RERE: variants seen among roughly 807,000 people sequenced by gnomAD.
RERE encodes arginine-glutamic acid dipeptide repeats protein.
In RERE, 40 loss-of-function variants were observed where a neutral mutation model predicts 146.1. The observed-to-expected ratio is 0.27, with a 90% confidence interval of 0.21 to 0.36. The LOEUF is 0.36. Ranked by LOEUF, RERE falls within the 10% of genes least tolerant of loss-of-function variation. RERE has a pLI of 1.00. For missense variants in RERE, 1,933 were observed against 2,138.7 expected, an observed-to-expected ratio of 0.90 and a Z score of 1.90; for synonymous variants, 1,003 against 866.0, an observed-to-expected ratio of 1.16 and a Z score of -2.78.
chr1:8,355,893 G>C (rs1641270321), intron 21 of RERE, among the ~76,000 whole-genome samples: 2 of 152,090 alleles, frequency 1.3e-5, no homozygotes, highest in African/African-American at 4.8e-5. Flanking sequence ...CCGGCTCTTA[G>C]CAAGGCTGAT....
chr1:8,705,891 C>T (rs538977307), intron 1 of RERE, among the ~76,000 whole-genome samples: 2 of 152,146 alleles, frequency 1.3e-5, no homozygotes, highest in East Asian at 3.9e-4. Flanking sequence ...CCGAGGTGGG[C>T]AGATCATGAG....
chr1:8,666,438 A>G (rs1230337087), intron 1 of RERE, among the ~76,000 whole-genome samples: 2 of 152,216 alleles, frequency 1.3e-5, no homozygotes, highest in Non-Finnish European at 2.9e-5. Context: ...CCTGCCTCCA[A>G]GAGAAGCAGC....
chr1:8,625,949 A>G lies in RERE; in HGVS notation c.326-1569T>C, dbSNP rs76942278. On this transcript the variant is annotated intron_variant, in intron 2 of 22. Coordinates refer to ENST00000400908, the MANE Select transcript of RERE (RefSeq NM_001042681.2). ...ATTCCCCAACTGATTTCTCTACTCA[A>G]AGATGGACTCAACAGAGATTTAATC... is the stretch of plus-strand genomic sequence containing the variant. 2.7e-3 allele frequency among the ~76,000 whole-genome samples: 418 copies of G among 152,334 alleles called. 3 individuals are homozygous for G. Among genetic ancestry groups the G allele is most frequent in the African/African-American group, 9.6e-3 (399 of 41,574 alleles).
intron 2 of RERE, among the ~76,000 whole-genome samples, chr1:8,651,347 A>G (rs896178863): frequency 2.0e-5 from 3 of 151,952 alleles, no homozygotes; most frequent in Non-Finnish European, 4.4e-5. Context: ...GAGTTCGAGG[A>G]TGTGGTTAAC....
In RERE at chr1:8,495,159, G is replaced by T; in HGVS notation, c.1008C>A (p.Ser336Arg). 1 of 1,612,120 alleles carries T rather than the reference G, an allele frequency of 6.2e-7. No individual in the cohort carries two copies. The highest frequency in any genetic ancestry group is 8.5e-7 in the Non-Finnish European group (1 of 1,178,288). The change falls in exon 10 of 23, where the codon AGC (serine) becomes AGA (arginine). Residue 336 changes from serine to arginine, a missense_variant. Transcript: ENST00000400908. The part of the protein sequence containing the change: ...DLLMYLRAAR[S>R]MAAFAGMCDG... ...CACACATTCCTGCAAATGCCGCCAT[G>T]CTCCTTCAGAAGAAAAGGTTTTTCC...
chr1:8,624,569 G>A (rs1646952218), intron 2 of RERE, among the ~76,000 whole-genome samples, 189 bp from the exon 3 acceptor site: 1 of 152,082 alleles, frequency 6.6e-6, no homozygotes, highest in East Asian at 1.9e-4. Context: ...GGTTCTTTCT[G>A]ATTATTTTTC....
intron 10 of RERE, among the ~76,000 whole-genome samples, chr1:8,469,690 G>A (rs967428772): frequency 6.6e-6 from 1 of 152,160 alleles, no homozygotes; most frequent in African/African-American, 2.4e-5. Flanking sequence ...TTGCTCGTGA[G>A]AACATAAAGC....
chr1:8,370,321 G>A (rs1043854142), intron 12 of RERE, among the ~76,000 whole-genome samples: 5 of 152,054 alleles, frequency 3.3e-5, no homozygotes, highest in Non-Finnish European at 5.9e-5. Context: ...AGCGGTTGCC[G>A]AGAGCCTGGA....
chr1:8,800,210 G>A (rs557859493), intron 1 of RERE, among the ~76,000 whole-genome samples: 28 of 149,256 alleles, frequency 1.9e-4, no homozygotes, highest in African/African-American at 6.4e-4. Context: ...AGTGAGCCAT[G>A]ATCACACCAC....
At chr1:8,363,514 G>A (rs1641677242) in intron 15 of RERE, among the ~76,000 whole-genome samples, 1 of 152,186 alleles carries the variant, frequency 6.6e-6, no homozygotes, top group Non-Finnish European at 1.5e-5. Context: ...GGCCATAAGG[G>A]AGGCTGAAGG....
chr1:8,494,672 G>C lies in RERE; in HGVS notation c.1104+391C>G, dbSNP rs562620398. Among the ~76,000 whole-genome samples the C allele has an allele frequency of 5.9e-5, 9 of 152,268 alleles. No individual in the cohort carries two copies. The East Asian group carries it at 1.7e-3, about 29-fold the overall frequency. On this transcript the variant is annotated intron_variant, in intron 10 of 22. Transcript: ENST00000400908. Reference sequence around the variant, plus strand: ...CGGGAAGCGGAGCTTGCAGTGAGCTGAGATCGCGCCACTGCCAGAGCGAGA... The same window carrying C: ...CGGGAAGCGGAGCTTGCAGTGAGCTCAGATCGCGCCACTGCCAGAGCGAGA...
intron 1 of RERE, among the ~76,000 whole-genome samples, chr1:8,725,076 G>GA: frequency 6.6e-6 from 1 of 152,008 alleles, no homozygotes; most frequent in East Asian, 1.9e-4. Context: ...TGATTAGAAT[G>GA]AAAAAAACAT....
chr1:8,771,909 C>CAAAAAAAAAAAAAAA (rs768264978), intron 1 of RERE, among the ~76,000 whole-genome samples: 4 of 59,362 alleles, frequency 6.7e-5, no homozygotes, highest in Non-Finnish European at 1.4e-4. Context: ...GACTCTGTCT[C>CAAAAAAAAAAAAAAA]AAAAAAAAAA....
intron 1 of RERE, among the ~76,000 whole-genome samples, chr1:8,662,287 C>T (rs899600649): frequency 1.3e-5 from 2 of 152,212 alleles, no homozygotes; most frequent in African/African-American, 4.8e-5. Context: ...ATGAAGCCAA[C>T]ACCACCCCCA....
At chr1:8,738,932 G>GA (rs1330095892) in intron 1 of RERE, among the ~76,000 whole-genome samples, 2 of 152,028 alleles carry the variant, frequency 1.3e-5, no homozygotes, top group Non-Finnish European at 2.9e-5. Flanking sequence ...TTGGATATCT[G>GA]AGTGTTCTGC....
chr1:8,368,374 T>G (rs912718684), intron 12 of RERE, among the ~76,000 whole-genome samples: 4 of 151,450 alleles, frequency 2.6e-5, no homozygotes, highest in African/African-American at 9.7e-5. Flanking sequence ...CTCGGGAGTC[T>G]GAGACAGGAG....
intron 12 of RERE, among the ~76,000 whole-genome samples, chr1:8,410,845 A>C (rs1292904261): frequency 1.3e-5 from 2 of 152,208 alleles, no homozygotes; most frequent in Non-Finnish European, 2.9e-5. Context: ...CGTGGCAGCC[A>C]GTAAGACACC....
At chr1:8,437,355 G>T (rs532144998) in intron 11 of RERE, among the ~76,000 whole-genome samples, 1 of 152,198 alleles carries the variant, frequency 6.6e-6, no homozygotes, top group Admixed American at 6.5e-5. Flanking sequence ...GTAGTCCAGG[G>T]TGGGGGTGGA....
At chr1:8,804,942 G>T (rs1046115507) in intron 1 of RERE, among the ~76,000 whole-genome samples, 1 of 151,190 alleles carries the variant, frequency 6.6e-6, no homozygotes, top group Non-Finnish European at 1.5e-5. Flanking sequence ...AAATTATAGA[G>T]AAAGAGTACT....
Sources: gnomAD v4.1 joint callset for allele counts (sites outside exome capture counted in the v4.1 genomes callset) on GRCh38, gnomAD v4.1.1 for gene constraint, MANE v1.5 for transcripts, NCBI Gene and HGNC (gene_info 2026-07-23, HGNC 2026-07-21) for gene names.